Variants in CNBD1 observed in about 807,000 individuals in gnomAD.
CNBD1 encodes the protein cyclic nucleotide-binding domain-containing protein 1.
A neutral mutation model predicts 54.4 loss-of-function variants in CNBD1; 71 were observed. The ratio of observed to expected loss-of-function variants is 1.30; its 90% CI spans 1.08 to 1.59. The LOEUF (loss-of-function observed/expected upper bound fraction) is 1.59. CNBD1 is among the 40% of genes most tolerant of loss of function. The probability of loss-of-function intolerance (pLI) is 0.00; values close to 1 mark genes in which losing one functional copy is unlikely to be tolerated. For missense variants in CNBD1, 659 were observed against 518.0 expected, an observed-to-expected ratio of 1.27 and a Z score of -2.64; for synonymous variants, 182 against 170.7, an observed-to-expected ratio of 1.07 and a Z score of -0.51.
chr8:87,224,755 A>C (rs1465008918), intron 5 of CNBD1, among the ~76,000 whole-genome samples: 1 of 150,812 alleles, frequency 6.6e-6, no homozygotes, highest in African/African-American at 2.5e-5. Flanking sequence ...TGAACTTTAA[A>C]GTAGTTTTTT....
chr8:87,054,499 TC>T (rs1382056292), intron 4 of CNBD1, among the ~76,000 whole-genome samples: 1 of 152,218 alleles, frequency 6.6e-6, no homozygotes, highest in African/African-American at 2.4e-5. Flanking sequence ...AGACAGCAAT[TC>T]CTTGAAATAC....
At chr8:87,146,996 A>T (rs75585343) in intron 4 of CNBD1, among the ~76,000 whole-genome samples, 3 of 152,276 alleles carry the variant, frequency 2.0e-5, no homozygotes, top group South Asian at 4.1e-4. Flanking sequence ...AATTGGAATC[A>T]GTTGCTTGTC....
At chr8:87,161,685 A>G (rs75080167) in intron 4 of CNBD1, among the ~76,000 whole-genome samples, 47 of 152,238 alleles carry the variant, frequency 3.1e-4, no homozygotes, top group African/African-American at 1.1e-3. Flanking sequence ...AAGATTTTAA[A>G]CCAATTTCTA....
chr8:87,261,037 C>G (rs565682699), intron 6 of CNBD1, among the ~76,000 whole-genome samples: 1 of 152,178 alleles, frequency 6.6e-6, no homozygotes, highest in African/African-American at 2.4e-5. Flanking sequence ...TTTTATAACC[C>G]CTGCAATACT....
At chr8:87,164,958 A>G (rs1275633379) in intron 4 of CNBD1, among the ~76,000 whole-genome samples, 1 of 151,258 alleles carries the variant, frequency 6.6e-6, no homozygotes, top group Non-Finnish European at 1.5e-5. Flanking sequence ...GCATCTTATA[A>G]GTTTGATATT....
intron 6 of CNBD1, among the ~76,000 whole-genome samples, chr8:87,264,435 T>A (rs1189543301): frequency 6.6e-6 from 1 of 152,216 alleles, no homozygotes; most frequent in South Asian, 2.1e-4. Flanking sequence ...TCTTTGCTAT[T>A]GTGAATAGTG....
intron 8 of CNBD1, among the ~76,000 whole-genome samples, chr8:87,321,921 T>A (rs1238252437): frequency 1.3e-5 from 2 of 149,402 alleles, no homozygotes; most frequent in Non-Finnish European, 3.0e-5. Flanking sequence ...TCATCTAGCC[T>A]TAGGTATATC....
At chr8:87,393,214 G>A (rs74758936) in intron 2 of CNBD1, among the ~76,000 whole-genome samples, 2,867 of 151,928 alleles carry the variant, frequency 0.019, 92 homozygotes, top group African/African-American at 0.062. Flanking sequence ...CAGGGAGGCA[G>A]TAGTCCCCTA....
intron 4 of CNBD1, among the ~76,000 whole-genome samples, chr8:87,114,339 C>T (rs1166222818): frequency 6.6e-6 from 1 of 152,022 alleles, no homozygotes; most frequent in East Asian, 1.9e-4. Flanking sequence ...ATTTCATCTC[C>T]TGAAGATTGA....
Position 87,193,852 on chromosome 8 carries a change from C to G in CNBD1, c.432-12141C>G, listed in dbSNP as rs144945992. Among the ~76,000 whole-genome samples the G allele has an allele frequency of 3.8e-3, 584 of 152,174 alleles. 3 individuals are homozygous for G. Among genetic ancestry groups the G allele is most frequent in the African/African-American group, 0.013 (560 of 41,516 alleles). On this transcript the variant is annotated intron_variant, in intron 4 of 10. Transcript: ENST00000518476. ...TGTTCAGCTCCTTTGCTAAGCTATA[C>G]CCAGTAATTTAGAATAAGAGTTTAA... is the stretch of plus-strand genomic sequence containing the variant.
intron 4 of CNBD1, among the ~76,000 whole-genome samples, chr8:87,134,569 G>T (rs1812186237): frequency 7.2e-6 from 1 of 138,016 alleles, no homozygotes; most frequent in African/African-American, 2.7e-5. Flanking sequence ...TTAAAATTCA[G>T]ATTCACCTTT....
At chr8:86,887,411 C>T in intron 1 of CNBD1, 131 bp from the exon 2 acceptor site, 4 of 603,324 alleles carry the variant, frequency 6.6e-6, no homozygotes, top group Non-Finnish European at 1.2e-5. Flanking sequence ...TAAACAAAGA[C>T]TGTTAATACC....
chr8:86,949,012 T>C (rs117450765), intron 4 of CNBD1, among the ~76,000 whole-genome samples: 5,425 of 152,300 alleles, frequency 0.036, 152 homozygotes, highest in Non-Finnish European at 0.057. Flanking sequence ...GAGATTGTCC[T>C]TTCCTCAGTG....
intron 4 of CNBD1, among the ~76,000 whole-genome samples, chr8:87,070,663 G>T (rs1298375654): frequency 6.6e-6 from 1 of 152,026 alleles, no homozygotes; most frequent in Non-Finnish European, 1.5e-5. Flanking sequence ...GTTTTTGGAG[G>T]ATTAGTTTAG....
At chr8:87,024,926 A>C (rs986811288) in intron 4 of CNBD1, among the ~76,000 whole-genome samples, 1 of 152,176 alleles carries the variant, frequency 6.6e-6, no homozygotes, top group African/African-American at 2.4e-5. Context: ...AAGCATTTAA[A>C]AATAACTTTC....
At chr8:87,362,825 G>T (rs750658901) in intron 10 of CNBD1, among the ~76,000 whole-genome samples, 2 of 151,948 alleles carry the variant, frequency 1.3e-5, no homozygotes, top group African/African-American at 4.8e-5. Flanking sequence ...TATTATAGGT[G>T]ATTTGACTTG....
chr8:86,924,930 AT>A (rs1359302808), intron 3 of CNBD1, among the ~76,000 whole-genome samples: 1 of 152,158 alleles, frequency 6.6e-6, no homozygotes, highest in African/African-American at 2.4e-5. Context: ...CCAACTGTTG[AT>A]TTTTAGCTGT....
intron 8 of CNBD1, among the ~76,000 whole-genome samples, chr8:87,336,469 C>T (rs1586025463): frequency 6.6e-6 from 1 of 152,042 alleles, no homozygotes; most frequent in African/African-American, 2.4e-5. Context: ...GATATTCTTC[C>T]TTCTAATTGA....
chr8:87,290,853 T>G (rs1480405761), intron 8 of CNBD1, among the ~76,000 whole-genome samples: 3 of 152,194 alleles, frequency 2.0e-5, no homozygotes, highest in Non-Finnish European at 4.4e-5. Context: ...TGGGATTCAC[T>G]TATAAGTGAC....
Sources: gnomAD v4.1 joint callset for allele counts (sites outside exome capture counted in the v4.1 genomes callset) on GRCh38, gnomAD v4.1.1 for gene constraint, MANE v1.5 for transcripts, NCBI Gene and HGNC (gene_info 2026-07-23, HGNC 2026-07-21) for gene names.